DISP3: variants seen among roughly 807,000 people sequenced by gnomAD.
DISP3 encodes dispatched RND transporter family member 3.
DISP3 carries 101 observed loss-of-function variants against 135.3 expected under a neutral mutation model. The observed-to-expected ratio is 0.75, with a 90% CI of 0.64 to 0.88. The LOEUF is 0.88. DISP3 is among the 40% of genes least tolerant of loss of function. The pLI, the probability that DISP3 is intolerant of heterozygous loss-of-function variation, is 0.00. For missense variants in DISP3, 1,713 were observed against 1,878.6 expected (o/e 0.91, Z 1.63); for synonymous variants, 856 against 817.0 (o/e 1.05, Z -0.81).
chr1:11,519,275 C>A lies in DISP3; in HGVS notation c.1890-80C>A. On this transcript the variant is annotated intron_variant, in intron 7 of 20. Coordinates refer to ENST00000294484, the MANE Select transcript of DISP3 (RefSeq NM_020780.2). The surrounding 1 kb of genome is among the most constrained non-coding windows in gnomAD (Gnocchi z 4.3). ...GCAGCACTGTGATACCTGGGTTCAT[C>A]TGATCCTCAGGGCCCTGCCCCACCC... 1 of 1,484,790 alleles carries A rather than the reference C, an allele frequency of 6.7e-7. No individual in the cohort carries two copies. Among genetic ancestry groups the A allele is most frequent in the South Asian group, 1.2e-5 (1 of 81,608 alleles). 92.0% of individuals were successfully genotyped at this position (1,484,790 alleles called of 1,614,324 possible). A position where few individuals can be genotyped will look rare whatever the true frequency, so the allele number is the denominator to read the frequency against.
chr1:11,482,048 G>T (rs1245137976), intron 1 of DISP3: 1 of 152,188 alleles, frequency 6.6e-6, no homozygotes, highest in East Asian at 1.9e-4. Context: ...ATGAATAGAA[G>T]ATTTAAACCT....
intron 1 of DISP3, among the ~76,000 whole-genome samples, chr1:11,497,656 G>A (rs1229884728): frequency 1.3e-5 from 2 of 152,144 alleles, no homozygotes; most frequent in African/African-American, 2.4e-5. Context: ...CCAGAGTGCC[G>A]GGATTACAGG....
intron 3 of DISP3, among the ~76,000 whole-genome samples, chr1:11,510,094 G>A (rs920131034): frequency 1.6e-4 from 25 of 151,996 alleles, no homozygotes; most frequent in African/African-American, 6.0e-4. Context: ...GTGAGACTCT[G>A]TCTCAAAAAA....
chr1:11,484,594 C>G (rs918892334), intron 1 of DISP3, among the ~76,000 whole-genome samples: 1 of 152,192 alleles, frequency 6.6e-6, no homozygotes, highest in Non-Finnish European at 1.5e-5. Context: ...TGGAGAGGGT[C>G]TCGTCTGCAG....
intron 1 of DISP3, among the ~76,000 whole-genome samples, chr1:11,498,717 AAAG>A (rs1375161046): frequency 6.6e-6 from 1 of 152,160 alleles, no homozygotes; most frequent in Non-Finnish European, 1.5e-5. Context: ...GTAGCATATG[AAAG>A]AATAGTAGCT....
intron 1 of DISP3, among the ~76,000 whole-genome samples, chr1:11,494,343 T>A (rs1641270284): frequency 6.6e-6 from 1 of 152,216 alleles, no homozygotes; most frequent in African/African-American, 2.4e-5. Context: ...CTAGCTGGGC[T>A]GAACTAGCTG....
In DISP3 at chr1:11,531,519, C is replaced by T; in HGVS notation, c.3230-46C>T. On this transcript the variant is annotated intron_variant, in intron 16 of 20. Transcript: ENST00000294484. This position sits in a 1 kb window ranked among gnomAD's most constrained non-coding sequence, Gnocchi z 5.2. ...CACAGGTGTGATGCAGGGGGACAGG[C>T]TCTTCCAGGGCCACCACGCACTCCC... 6.2e-7 allele frequency: 1 copy of T among 1,612,430 alleles called. No homozygotes were observed. Among genetic ancestry groups the T allele is most frequent in the Non-Finnish European group, 8.5e-7 (1 of 1,179,530 alleles).
chr1:11,490,791 T>C (rs893262919), intron 1 of DISP3, among the ~76,000 whole-genome samples: 4 of 152,252 alleles, frequency 2.6e-5, no homozygotes, highest in African/African-American at 9.6e-5. Context: ...GAGGCTCCAA[T>C]CCAGCTCAGC....
intron 11 of DISP3, 72 bp from the exon 12 acceptor site, chr1:11,525,104 G>A (rs1642374017): frequency 6.4e-7 from 1 of 1,563,882 alleles, no homozygotes; most frequent in African/African-American, 1.4e-5. Flanking sequence ...AGCTGAGGGT[G>A]GGCTGCTCCA....
intron 13 of DISP3, among the ~76,000 whole-genome samples, chr1:11,527,353 T>C (rs28653300): frequency 6.6e-6 from 1 of 151,864 alleles, no homozygotes; most frequent in Non-Finnish European, 1.5e-5. Flanking sequence ...ATCGAGACCA[T>C]CCTGGCTAAC....
At chr1:11,528,145 T>C (rs1284126388) in intron 13 of DISP3, among the ~76,000 whole-genome samples, 1 of 152,208 alleles carries the variant, frequency 6.6e-6, no homozygotes, top group African/African-American at 2.4e-5. Context: ...AATATATCAT[T>C]AATTCAGAAA....
At chr1:11,533,260 T>C (rs914556589) in intron 17 of DISP3, among the ~76,000 whole-genome samples, 12 of 146,616 alleles carry the variant, frequency 8.2e-5, no homozygotes, top group Admixed American at 7.4e-4. Flanking sequence ...TTTCTTTTTT[T>C]TTTTTTTTTT....
At chr1:11,510,332 CTT>C (rs1262057730) in intron 3 of DISP3, among the ~76,000 whole-genome samples, 1 of 151,700 alleles carries the variant, frequency 6.6e-6, no homozygotes, top group African/African-American at 2.4e-5. Context: ...TGTTGTAACT[CTT>C]TTAGTAGTTG....
rs1370960548 is a variant in DISP3, at chr1:11,502,673, T to C, written c.1097-5T>C. On this transcript the variant is annotated splice_region_variant and splice_polypyrimidine_tract_variant and intron_variant, in intron 2 of 20. Transcript: ENST00000294484. ...CTCTTGGGGCCCCCACCCCTGTCCTTGCAGGCTCCCTGGAGCTGGCCATGA... is the reference window on the plus strand; with the variant it reads ...CTCTTGGGGCCCCCACCCCTGTCCTCGCAGGCTCCCTGGAGCTGGCCATGA... 6.2e-7 allele frequency: 1 copy of C among 1,612,816 alleles called. No individual in the cohort carries two copies. Among genetic ancestry groups the C allele is most frequent in the African/African-American group, 1.3e-5 (1 of 74,882 alleles).
chr1:11,532,227 G>A (rs748340682), intron 17 of DISP3, among the ~76,000 whole-genome samples: 2 of 152,180 alleles, frequency 1.3e-5, no homozygotes, highest in African/African-American at 2.4e-5. Context: ...TCCTGACCTG[G>A]GCACTGTGGG....
At chr1:11,510,017 T>C (rs1641814667) in intron 3 of DISP3, among the ~76,000 whole-genome samples, 1 of 152,202 alleles carries the variant, frequency 6.6e-6, no homozygotes, top group South Asian at 2.1e-4. Context: ...GAGAATGGCG[T>C]GAACCCGGGA....
rs2100452945 is a variant in DISP3, at chr1:11,515,475, G to A, written c.1560G>A (p.Gly520=). The A allele has an allele frequency of 6.2e-7, 1 of 1,611,616 alleles. No individual in the cohort carries two copies. The part of the protein sequence containing the change: ...FGIQYLGILN[G]VAAFVIVGIG... ...TCCAGTACTTGGGCATCCTGAATGG[G>A]GTGGCCGCCTTCGTGATCGTGGGCA... The change falls in exon 5 of 21, where the codon GGG becomes GGA. Residue 520 remains glycine (G), a synonymous_variant. Transcript: ENST00000294484.
At chr1:11,489,676 C>T (rs969960673) in intron 1 of DISP3, among the ~76,000 whole-genome samples, 32 of 152,310 alleles carry the variant, frequency 2.1e-4, no homozygotes, top group African/African-American at 7.0e-4. Flanking sequence ...ATCTGGCAGA[C>T]GGAGAAACTA....
rs1641051644 is a variant in DISP3, at chr1:11,486,888, A to G, written c.-4+7516A>G. On this transcript the variant is annotated intron_variant, in intron 1 of 20. Coordinates refer to ENST00000294484, the MANE Select transcript of DISP3 (RefSeq NM_020780.2). ...GAGACAAGGTCTCCCTATGTTGCCC[A>G]GGCTGGTCTTGAACTCCTGGGCTCA... Among the ~76,000 whole-genome samples, 4 of 152,282 alleles carry G rather than the reference A, an allele frequency of 2.6e-5. No individual in the cohort carries two copies. The South Asian group carries it at 8.3e-4, about 32-fold the overall frequency.
Sources: allele counts gnomAD v4.1 joint callset (sites outside exome capture counted in the v4.1 genomes callset), GRCh38; gene constraint gnomAD v4.1.1; non-coding constraint Gnocchi (gnomAD v3.1); transcripts MANE v1.5; gene names NCBI Gene and HGNC (gene_info 2026-07-23, HGNC 2026-07-21).